The following KIAA1328 variants were observed in gnomAD, a reference collection of about 807,000 sequenced individuals.
KIAA1328 encodes the protein KIAA1328.
Under a neutral mutation model 68.1 loss-of-function variants are expected in KIAA1328, and 52 were observed. The ratio of observed to expected loss-of-function variants is 0.76; its 90% CI spans 0.61 to 0.96. KIAA1328 has a LOEUF of 0.96. Ranked by LOEUF, KIAA1328 falls within the 40% of genes least tolerant of loss-of-function variation. The pLI, the probability that KIAA1328 is intolerant of heterozygous loss-of-function variation, is 0.00. For missense variants in KIAA1328, 641 were observed against 677.6 expected (o/e 0.95, Z 0.60); for synonymous variants, 232 against 239.4 (o/e 0.97, Z 0.28).
intron 9 of KIAA1328, among the ~76,000 whole-genome samples, chr18:37,206,236 T>G (rs2060212469): frequency 6.6e-6 from 1 of 152,188 alleles, no homozygotes. Context: ...GGTTTGGGAT[T>G]TGTATGCACT....
intron 6 of KIAA1328, among the ~76,000 whole-genome samples, chr18:37,024,352 ATTAT>A (rs1442107674): frequency 2.7e-4 from 37 of 135,214 alleles, no homozygotes; most frequent in Non-Finnish European, 3.8e-4. Flanking sequence ...GTATATATTT[ATTAT>A]TTATTTATTT....
intron 5 of KIAA1328, among the ~76,000 whole-genome samples, chr18:36,951,777 A>G (rs900588937): frequency 2.6e-5 from 4 of 152,166 alleles, no homozygotes; most frequent in East Asian, 3.8e-4. Flanking sequence ...ATAAGCTGAC[A>G]TTGCCTTAAA....
rs1210749169 is a variant in KIAA1328 at position 36,913,521 on chromosome 18, C to T, written c.448+27849C>T. ...ACACACACACACACACACACACACACACTTAGAGGAAAGCAACTGCCTACA... is the reference window on the plus strand; with the variant it reads ...ACACACACACACACACACACACACATACTTAGAGGAAAGCAACTGCCTACA... On this transcript the variant is annotated intron_variant, in intron 5 of 9. Coordinates refer to ENST00000280020, the MANE Select transcript of KIAA1328 (RefSeq NM_020776.3). Among the ~76,000 whole-genome samples the T allele has an allele frequency of 9.2e-4, 86 of 92,980 alleles. 1 individual carries two copies. The highest frequency in any genetic ancestry group is 1.5e-3 in the Non-Finnish European group (64 of 43,554). 61.0% of individuals were successfully genotyped at this position (92,980 alleles called of 152,430 possible).
chr18:37,227,010 G>A (rs1463283138), downstream of KIAA1328, among the ~76,000 whole-genome samples: 11 of 152,060 alleles, frequency 7.2e-5, no homozygotes, highest in African/African-American at 1.2e-4. Flanking sequence ...CAGGTGATCC[G>A]CCTGCCTCGG....
At chr18:37,132,672 A>G (rs2058550186) in intron 7 of KIAA1328, among the ~76,000 whole-genome samples, 1 of 152,170 alleles carries the variant, frequency 6.6e-6, no homozygotes, top group African/African-American at 2.4e-5. Flanking sequence ...TTATCACAAG[A>G]CTTTTATTGA....
At chr18:37,085,896 A>T (rs575479555) in intron 7 of KIAA1328, among the ~76,000 whole-genome samples, 22 of 152,298 alleles carry the variant, frequency 1.4e-4, no homozygotes, top group African/African-American at 4.3e-4. Context: ...ATATATCTAT[A>T]TCAAAATATT....
At chr18:37,148,208 T>G (rs1208568572) in intron 7 of KIAA1328, among the ~76,000 whole-genome samples, 1 of 152,210 alleles carries the variant, frequency 6.6e-6, no homozygotes, top group African/African-American at 2.4e-5. Context: ...AGCTCCCACT[T>G]ATAAGTGAGA....
At chr18:37,216,339 C>T (rs529885654) in intron 9 of KIAA1328, among the ~76,000 whole-genome samples, 46 of 152,140 alleles carry the variant, frequency 3.0e-4, no homozygotes, top group African/African-American at 9.1e-4. Flanking sequence ...TATTCTGGTA[C>T]GTCATGTCTT....
At chr18:36,919,413 C>T (rs970100359) in intron 5 of KIAA1328, among the ~76,000 whole-genome samples, 103 of 152,184 alleles carry the variant, frequency 6.8e-4, no homozygotes, top group African/African-American at 2.4e-3. Flanking sequence ...CTAACAATTC[C>T]TGCCTTGTGA....
At chr18:37,227,085 A>G (rs1180728898), downstream of KIAA1328, among the ~76,000 whole-genome samples, 3 of 152,168 alleles carry the variant, frequency 2.0e-5, no homozygotes, top group African/African-American at 4.8e-5. Context: ...AACTTTTTGT[A>G]TGGACACTCC....
At chr18:36,866,064 C>G in intron 4 of KIAA1328, among the ~76,000 whole-genome samples, 1 of 152,194 alleles carries the variant, frequency 6.6e-6, no homozygotes, top group East Asian at 1.9e-4. Context: ...CTCTAATACC[C>G]TGTTTCAAGT....
chr18:37,039,476 A>G (rs953833254), intron 6 of KIAA1328, among the ~76,000 whole-genome samples: 6 of 151,598 alleles, frequency 4.0e-5, no homozygotes, highest in African/African-American at 1.5e-4. Flanking sequence ...GCAGTGGCGC[A>G]ATCTCGGCTC....
At chr18:37,176,136 A>G (rs2154214546) in intron 9 of KIAA1328, among the ~76,000 whole-genome samples, 2 of 152,320 alleles carry the variant, frequency 1.3e-5, no homozygotes, top group Admixed American at 1.3e-4. Flanking sequence ...TGATTTATTT[A>G]AAGGACAACC....
intron 7 of KIAA1328, among the ~76,000 whole-genome samples, chr18:37,074,350 C>T (rs2056637289): frequency 1.3e-5 from 2 of 152,132 alleles, no homozygotes; most frequent in African/African-American, 4.8e-5. Flanking sequence ...ATGTTTGTTT[C>T]AAGTATAATG....
At chr18:37,201,454 T>C (rs1039555289) in intron 9 of KIAA1328, among the ~76,000 whole-genome samples, 2 of 152,202 alleles carry the variant, frequency 1.3e-5, no homozygotes, top group Non-Finnish European at 2.9e-5. Flanking sequence ...AGGTATGTTA[T>C]AGTTTTCTTC....
At chr18:37,207,606 T>C (rs1423832360) in intron 9 of KIAA1328, among the ~76,000 whole-genome samples, 3 of 152,132 alleles carry the variant, frequency 2.0e-5, no homozygotes, top group Non-Finnish European at 4.4e-5. Context: ...AGCAGAATGC[T>C]CAGAGGTATG....
intron 7 of KIAA1328, among the ~76,000 whole-genome samples, chr18:37,120,071 C>T (rs1382700820): frequency 6.6e-6 from 1 of 152,128 alleles, no homozygotes; most frequent in Non-Finnish European, 1.5e-5. Flanking sequence ...ATCTTTGAAA[C>T]TTTCCTGGAA....
intron 6 of KIAA1328, among the ~76,000 whole-genome samples, chr18:37,045,059 A>T (rs1314439387): frequency 2.0e-5 from 3 of 152,154 alleles, no homozygotes; most frequent in African/African-American, 7.2e-5. Flanking sequence ...TGGAAGATTG[A>T]CCTGGGTTAG....
At chr18:36,974,624 T>C (rs979618629) in intron 6 of KIAA1328, among the ~76,000 whole-genome samples, 3 of 152,220 alleles carry the variant, frequency 2.0e-5, no homozygotes, top group African/African-American at 7.2e-5. Flanking sequence ...ACATGTATCT[T>C]TTTATGTGAT....
Sources: allele counts gnomAD v4.1 joint callset (sites outside exome capture counted in the v4.1 genomes callset), GRCh38; gene constraint gnomAD v4.1.1; transcripts MANE v1.5; gene names NCBI Gene and HGNC (gene_info 2026-07-23, HGNC 2026-07-21).